PDE4D: variants seen among roughly 807,000 people sequenced by gnomAD.
The protein encoded by PDE4D is phosphodiesterase 4D.
Under a neutral mutation model 87.4 loss-of-function variants are expected in PDE4D, and 24 were observed. The observed-to-expected ratio is 0.27, with a 90% CI of 0.20 to 0.39. The LOEUF (loss-of-function observed/expected upper bound fraction) is 0.39, where lower values mean the gene tolerates loss of function less well. Among genes scored for constraint, PDE4D ranks in the 10% least tolerant of loss-of-function variants. PDE4D has a pLI of 1.00. For missense variants in PDE4D, 714 were observed against 1,041.0 expected (o/e 0.69, Z 4.32); for synonymous variants, 384 against 383.2 (o/e 1.00, Z -0.02).
chr5:60,396,123 C>T (rs1288728231), intron 1 of PDE4D, among the ~76,000 whole-genome samples: 1 of 152,174 alleles, frequency 6.6e-6, no homozygotes, highest in Non-Finnish European at 1.5e-5. Context: ...GGGCACTGCT[C>T]TTTTCTGTTT....
intron 1 of PDE4D, among the ~76,000 whole-genome samples, chr5:59,302,024 T>C (rs998956857): frequency 2.6e-5 from 4 of 151,982 alleles, no homozygotes; most frequent in Admixed American, 2.0e-4. Context: ...TGTCCAGGCA[T>C]GCTCAAGAAG....
intron 1 of PDE4D, among the ~76,000 whole-genome samples, chr5:60,333,773 C>A (rs1757505080): frequency 6.6e-6 from 1 of 152,156 alleles, no homozygotes; most frequent in Non-Finnish European, 1.5e-5. Flanking sequence ...CAAATAATTC[C>A]AATTCATCAT....
At chr5:60,340,326 C>A (rs1433222922) in intron 1 of PDE4D, among the ~76,000 whole-genome samples, 1 of 151,468 alleles carries the variant, frequency 6.6e-6, no homozygotes, top group African/African-American at 2.4e-5. Context: ...TTTCACTAGG[C>A]TGAGGAAGAA....
At chr5:59,316,563 C>T (rs942794942) in intron 1 of PDE4D, among the ~76,000 whole-genome samples, 4 of 152,132 alleles carry the variant, frequency 2.6e-5, no homozygotes, top group Admixed American at 1.3e-4. Flanking sequence ...TATATATAAA[C>T]TGTACTCACA....
chr5:59,483,507 C>T lies in PDE4D; in HGVS notation c.456-267539G>A, dbSNP rs866011102. ...GGAGACTGAAACTTTTTATTTTTAA[C>T]TCTTTTTTTCTTACAATTTTATTTT... On this transcript the variant is annotated intron_variant, in intron 1 of 14. Coordinates refer to ENST00000340635, the MANE Select transcript of PDE4D (RefSeq NM_001104631.2). 5.6e-4 allele frequency among the ~76,000 whole-genome samples: 85 copies of T among 152,236 alleles called. 1 individual carries two copies. The highest frequency in any genetic ancestry group is 6.8e-3 in the Middle Eastern group (2 of 294).
In PDE4D at chr5:59,285,192, C is replaced by T. The variant is rs190704860; in HGVS notation, c.456-69224G>A. Among the ~76,000 whole-genome samples the T allele has an allele frequency of 9.6e-3, 1,009 of 105,002 alleles. 11 individuals are homozygous for T. Among genetic ancestry groups the T allele is most frequent in the African/African-American group, 0.04 (919 of 23,146 alleles). 68.9% of individuals were successfully genotyped at this position (105,002 alleles called of 152,430 possible). The stretch of plus-strand genomic sequence containing the variant: ...CTAACCTGCACAATGTGCACATGTA[C>T]CCTAAAACTTAAAGTATAATAAAAA... On this transcript the variant is annotated intron_variant, in intron 1 of 14. Transcript: ENST00000340635.
chr5:59,573,453 G>A (rs377435638), intron 1 of PDE4D, among the ~76,000 whole-genome samples: 5 of 151,932 alleles, frequency 3.3e-5, no homozygotes, highest in East Asian at 1.9e-4. Context: ...CTCACCCACC[G>A]AACCACTGTC....
chr5:60,064,056 T>A (rs886356362), intron 2 of PDE4D, among the ~76,000 whole-genome samples: 1 of 152,114 alleles, frequency 6.6e-6, no homozygotes, highest in East Asian at 1.9e-4. Flanking sequence ...ACTATAGTTA[T>A]CTGAGGACAA....
chr5:59,918,639 G>A (rs953272293), intron 3 of PDE4D, among the ~76,000 whole-genome samples: 1 of 152,166 alleles, frequency 6.6e-6, no homozygotes, highest in African/African-American at 2.4e-5. Context: ...GGTCTATGGC[G>A]AGGGCAAGGT....
At chr5:60,330,550 C>G (rs1416421604) in intron 1 of PDE4D, among the ~76,000 whole-genome samples, 1 of 152,120 alleles carries the variant, frequency 6.6e-6, no homozygotes, top group African/African-American at 2.4e-5. Flanking sequence ...ATTCCAGGAG[C>G]CAGCATGGGT....
Position 60,188,690 on chromosome 5 carries a change from A to G in PDE4D, c.-89-3003T>C, listed in dbSNP as rs539531981. On this transcript the variant is annotated intron_variant, in intron 1 of 16. Transcript: ENST00000502484. ...ATTTATCCTTAAAAAAATCTCTATA[A>G]TGTATCATTAAACTTTCCAATACTC... Among the ~76,000 whole-genome samples the G allele has an allele frequency of 7.2e-5, 11 of 152,266 alleles. 1 individual carries two copies. The East Asian group carries it at 2.1e-3, about 29-fold the overall frequency.
At chr5:60,440,753 G>T (rs1561260607) in intron 1 of PDE4D, among the ~76,000 whole-genome samples, 1 of 152,082 alleles carries the variant, frequency 6.6e-6, no homozygotes, top group Admixed American at 6.6e-5. Flanking sequence ...TAAATTCATT[G>T]ACTGTTTACT....
At chr5:59,768,625 G>A in intron 1 of PDE4D, 1 of 1,533,176 alleles carries the variant, frequency 6.5e-7, no homozygotes, top group South Asian at 1.3e-5. Context: ...AGTGCATTCA[G>A]TCGCCTGCCT....
At position 59,540,064 on chromosome 5, in the gene PDE4D, T is replaced by C. The variant is rs118130795; in HGVS notation, c.456-324096A>G. Among the ~76,000 whole-genome samples, 84 of 152,246 alleles carry C rather than the reference T, an allele frequency of 5.5e-4. 1 individual carries two copies. In the East Asian group the frequency reaches 0.016, roughly 29 times the overall value. On this transcript the variant is annotated intron_variant, in intron 1 of 14. Transcript: ENST00000340635. ...CTTCCACCTAGAGTTTCTGATTCAT[T>C]AGGCCTGAGATGGAACCAGATAATT...
chr5:59,239,231 A>T (rs780584489), intron 1 of PDE4D, among the ~76,000 whole-genome samples: 3 of 152,224 alleles, frequency 2.0e-5, no homozygotes, highest in Non-Finnish European at 4.4e-5. Flanking sequence ...TTGATATCTC[A>T]GGTAGAAAGT....
In PDE4D at chr5:59,108,953, CAATGTG is replaced by C. The variant is rs1441035772; in HGVS notation, c.809-69988_809-69983del. 3.5e-3 allele frequency among the ~76,000 whole-genome samples: 331 copies of C among 94,420 alleles called. 1 individual carries two copies. The highest frequency in any genetic ancestry group is 7.6e-3 in the African/African-American group (186 of 24,366). 61.9% of individuals were successfully genotyped at this position (94,420 alleles called of 152,430 possible). A position where few individuals can be genotyped will look rare whatever the true frequency, so the allele number is the denominator to read the frequency against. On this transcript the variant is annotated intron_variant, in intron 5 of 14. Transcript: ENST00000340635. ...TAAAAAAAACAAATTCATAGGAACT[CAATGTG>C]TGTGTGTGTGTGTGTGTGTGTGTGT...
chr5:59,289,791 C>G (rs1451842541), intron 1 of PDE4D, among the ~76,000 whole-genome samples: 1 of 151,902 alleles, frequency 6.6e-6, no homozygotes, highest in African/African-American at 2.4e-5. Flanking sequence ...GAAGATTCCA[C>G]CAAAACACTA....
intron 2 of PDE4D, among the ~76,000 whole-genome samples, chr5:60,142,419 G>A (rs1223700085): frequency 1.3e-5 from 2 of 152,152 alleles, no homozygotes; most frequent in African/African-American, 4.8e-5. Context: ...AAGTGACTCT[G>A]GGGAAATATT....
At chr5:59,981,021 G>A (rs1761873376) in intron 3 of PDE4D, among the ~76,000 whole-genome samples, 1 of 152,134 alleles carries the variant, frequency 6.6e-6, no homozygotes, top group South Asian at 2.1e-4. Context: ...GGAGGCTGAG[G>A]CAGGAAGATT....
Sources: allele counts gnomAD v4.1 joint callset (sites outside exome capture counted in the v4.1 genomes callset), GRCh38; gene constraint gnomAD v4.1.1; transcripts MANE v1.5; gene names NCBI Gene and HGNC (gene_info 2026-07-23, HGNC 2026-07-21).